CNTNAP2: variants seen among roughly 807,000 people sequenced by gnomAD.
The protein encoded by CNTNAP2 is contactin associated protein 2.
In CNTNAP2, 98 loss-of-function variants were observed where a neutral mutation model predicts 155.2. That is an observed-to-expected ratio of 0.63 (90% CI 0.54 to 0.75). The LOEUF is 0.75. Ranked by LOEUF, CNTNAP2 falls within the 30% of genes least tolerant of loss-of-function variation. The pLI is 0.00. For synonymous variants in CNTNAP2, 651 were observed against 631.2 expected, an observed-to-expected ratio of 1.03 and a Z score of -0.47; for missense variants, 1,727 against 1,688.1, an observed-to-expected ratio of 1.02 and a Z score of -0.40.
chr7:147,830,445 C>T (rs1398406242), intron 13 of CNTNAP2, among the ~76,000 whole-genome samples: 1 of 152,162 alleles, frequency 6.6e-6, no homozygotes, highest in Non-Finnish European at 1.5e-5. Flanking sequence ...CACTTCCTAA[C>T]ATCACTTTGG....
Position 147,749,878 on chromosome 7 carries a change from A to T in CNTNAP2, c.2098+110572A>T, listed in dbSNP as rs376224493. On this transcript the variant is annotated intron_variant, in intron 13 of 23. Transcript: ENST00000361727. ...GGCAATTGAAGAGATGTACATCTTA[A>T]CCCCAAAATTATTTATTTGGAATTA... 1.2e-4 allele frequency among the ~76,000 whole-genome samples: 18 copies of T among 152,320 alleles called. 1 individual carries two copies. In the East Asian group the frequency reaches 1.9e-3, roughly 16 times the overall value.
At chr7:147,329,390 T>G (rs1025969939) in intron 9 of CNTNAP2, among the ~76,000 whole-genome samples, 2 of 152,050 alleles carry the variant, frequency 1.3e-5, no homozygotes, top group South Asian at 4.1e-4. Context: ...TCTTGTAATT[T>G]ATATATACAT....
At chr7:146,574,505 A>G (rs1362157534) in intron 1 of CNTNAP2, among the ~76,000 whole-genome samples, 1 of 152,130 alleles carries the variant, frequency 6.6e-6, no homozygotes, top group Non-Finnish European at 1.5e-5. Context: ...GATCAAGACC[A>G]TTCTGGCCAA....
intron 3 of CNTNAP2, among the ~76,000 whole-genome samples, chr7:146,949,065 C>G (rs1424835542): frequency 1.3e-5 from 2 of 152,152 alleles, no homozygotes; most frequent in African/African-American, 2.4e-5. Context: ...TGCAAGAGCT[C>G]CTCCCAGGGC....
At chr7:146,535,114 G>C (rs13312671) in intron 1 of CNTNAP2, among the ~76,000 whole-genome samples, 1 of 54 alleles carries the variant, frequency 0.019, no homozygotes, top group Non-Finnish European at 0.1. Context: ...ATATATATAT[G>C]ATATATATCA....
At chr7:147,605,391 C>T (rs557162963) in intron 12 of CNTNAP2, among the ~76,000 whole-genome samples, 2 of 152,178 alleles carry the variant, frequency 1.3e-5, no homozygotes, top group South Asian at 2.1e-4. Flanking sequence ...TATATAACAT[C>T]CTGAGCTACA....
chr7:148,215,673 T>C (rs1039905071), intron 18 of CNTNAP2, among the ~76,000 whole-genome samples: 3 of 152,204 alleles, frequency 2.0e-5, no homozygotes, highest in South Asian at 2.1e-4. Flanking sequence ...TGAGCACTTA[T>C]ATATTCCGGG....
intron 13 of CNTNAP2, among the ~76,000 whole-genome samples, chr7:147,800,249 G>T (rs1037930907): frequency 6.6e-6 from 1 of 152,098 alleles, no homozygotes; most frequent in Admixed American, 6.5e-5. Flanking sequence ...GTTGAGGGAA[G>T]ATTTGATTTG....
intron 8 of CNTNAP2, among the ~76,000 whole-genome samples, chr7:147,162,660 T>C (rs1802048477): frequency 6.6e-6 from 1 of 152,120 alleles, no homozygotes; most frequent in Admixed American, 6.6e-5. Context: ...TTGGGAGCTG[T>C]TGTAGTAGTT....
intron 11 of CNTNAP2, among the ~76,000 whole-genome samples, chr7:147,530,569 T>TA (rs1799414138): frequency 6.6e-6 from 1 of 152,110 alleles, no homozygotes; most frequent in African/African-American, 2.4e-5. Context: ...TCATGAGACT[T>TA]ATTGACTACC....
At chr7:148,092,604 A>G (rs73472212) in intron 15 of CNTNAP2, among the ~76,000 whole-genome samples, 19,163 of 152,158 alleles carry the variant, frequency 0.13, 2,006 homozygotes, top group African/African-American at 0.29. Context: ...TTTGAGTAAG[A>G]AAAGAACTTC....
chr7:146,715,575 A>G (rs1449602539), intron 1 of CNTNAP2, among the ~76,000 whole-genome samples: 2 of 152,112 alleles, frequency 1.3e-5, no homozygotes, highest in African/African-American at 4.8e-5. Context: ...CCTACAGGCC[A>G]TACACTAGAT....
At chr7:146,913,653 A>C (rs920119927) in intron 3 of CNTNAP2, among the ~76,000 whole-genome samples, 1 of 152,018 alleles carries the variant, frequency 6.6e-6, no homozygotes, top group African/African-American at 2.4e-5. Flanking sequence ...TCTTAATCCC[A>C]TGTGTGAAGG....
intron 8 of CNTNAP2, among the ~76,000 whole-genome samples, chr7:147,269,055 A>G (rs1163679458): frequency 6.6e-6 from 1 of 152,132 alleles, no homozygotes; most frequent in Non-Finnish European, 1.5e-5. Flanking sequence ...CAATGTTATG[A>G]TGAAATGCTT....
At chr7:147,519,724 G>A (rs553175130) in intron 11 of CNTNAP2, among the ~76,000 whole-genome samples, 143 of 152,288 alleles carry the variant, frequency 9.4e-4, no homozygotes, top group African/African-American at 3.4e-3. Flanking sequence ...AAAATTAGCT[G>A]GACATGGTGG....
chr7:147,639,381 G>A (rs113503965), intron 13 of CNTNAP2, 75 bp downstream of exon 13: 2 of 1,392,254 alleles, frequency 1.4e-6, no homozygotes, highest in East Asian at 2.4e-5. Flanking sequence ...AATCCAACAG[G>A]TGTGGTTCAT....
At chr7:147,890,669 G>A (rs995576815) in intron 13 of CNTNAP2, among the ~76,000 whole-genome samples, 2 of 152,134 alleles carry the variant, frequency 1.3e-5, no homozygotes, top group Non-Finnish European at 2.9e-5. Flanking sequence ...GAAGAACATA[G>A]AATACATTAT....
intron 14 of CNTNAP2, among the ~76,000 whole-genome samples, chr7:147,948,630 CACACACACACACATAT>C (rs963330047): frequency 3.0e-5 from 4 of 135,388 alleles, no homozygotes; most frequent in Admixed American, 7.0e-5. Flanking sequence ...TATATATTTA[CACACACACACACATAT>C]ACACACACAC....
chr7:147,442,020 G>C (rs2116550482), intron 10 of CNTNAP2, among the ~76,000 whole-genome samples: 1 of 152,160 alleles, frequency 6.6e-6, no homozygotes, highest in East Asian at 1.9e-4. Context: ...TCTGGCTACT[G>C]CCTATGTTTC....
Sources: gnomAD v4.1 joint callset for allele counts (sites outside exome capture counted in the v4.1 genomes callset) on GRCh38, gnomAD v4.1.1 for gene constraint, MANE v1.5 for transcripts, NCBI Gene and HGNC (gene_info 2026-07-23, HGNC 2026-07-21) for gene names.